The following C3orf49 variants were observed in gnomAD, a reference collection of about 807,000 sequenced individuals.
C3orf49 encodes the protein putative uncharacterized protein C3orf49.
Under a neutral mutation model 13.3 loss-of-function variants are expected in C3orf49, and 27 were observed. The ratio of observed to expected loss-of-function variants is 2.02; its 90% CI spans 1.49 to 2.79. C3orf49 has a LOEUF of 2.79. Among genes scored for constraint, C3orf49 ranks in the 30% most tolerant of loss-of-function variants. The pLI, the probability that C3orf49 is intolerant of heterozygous loss-of-function variation, is 0.00. For missense variants in C3orf49, 242 were observed against 134.2 expected (o/e 1.80, Z -3.97); for synonymous variants, 87 against 47.6 (o/e 1.83, Z -3.40).
At chr3:63,792,450 T>C in the C3orf49 span, among the ~76,000 whole-genome samples, 2 of 152,252 alleles carry the variant, frequency 1.3e-5, no homozygotes, top group African/African-American at 4.8e-5. Flanking sequence ...AACTAAATGA[T>C]ATTTCATCAC....
At chr3:63,803,483 T>C in the C3orf49 span, among the ~76,000 whole-genome samples, 1 of 152,192 alleles carries the variant, frequency 6.6e-6, no homozygotes, top group African/African-American at 2.4e-5. Context: ...AGACCTGAAC[T>C]CAACCTGCAG....
Position 63,819,517 on chromosome 3 carries a change from T to G in C3orf49, c.46T>G (p.Tyr16Asp). The G allele has an allele frequency of 1.4e-6, 1 of 703,084 alleles. No homozygotes were observed. The highest frequency in any genetic ancestry group is 2.6e-6 in the Non-Finnish European group (1 of 384,986). 43.6% of individuals were successfully genotyped at this position (703,084 alleles called of 1,614,324 possible). ...TCTACCAGAACCCTTTAAGATTGCCTACAGAAAAGTTGGACAGTGCCGAAG... is the reference window on the plus strand; with the variant it reads ...TCTACCAGAACCCTTTAAGATTGCCGACAGAAAAGTTGGACAGTGCCGAAG... ...LYLPEPFKIA[Y>D]RKVGQCRRFQ... The change falls in exon 1 of 7, where the codon TAC becomes GAC. Residue 16 changes from tyrosine (Y) to aspartate (D), a missense_variant. Tyr to Asp is a radical substitution (Grantham distance 160, BLOSUM62 -3). Transcript: ENST00000295896.
intron 5 of C3orf49, among the ~76,000 whole-genome samples, chr3:63,841,445 G>A (rs557045546): frequency 5.9e-5 from 9 of 152,162 alleles, no homozygotes; most frequent in Non-Finnish European, 1.2e-4. Flanking sequence ...AATTCCTGGA[G>A]AGCCTCCATG....
intron 2 of C3orf49, chr3:63,826,749 A>G (rs191353339): frequency 6.6e-6 from 1 of 152,172 alleles, no homozygotes; most frequent in African/African-American, 2.4e-5. Context: ...CCTTTCCCCA[A>G]TGCTGTCATC....
At chr3:63,794,172 T>TACACACACACACACACACACACACAC in the C3orf49 span, among the ~76,000 whole-genome samples, 3 of 142,610 alleles carry the variant, frequency 2.1e-5, no homozygotes, top group African/African-American at 5.1e-5. Flanking sequence ...TACACACACA[T>TACACACACACACACACACACACACAC]ACACACACAC....
At chr3:63,839,694 A>G in intron 5 of C3orf49, 1 of 1,612,400 alleles carries the variant, frequency 6.2e-7, no homozygotes, top group Admixed American at 1.7e-5. Flanking sequence ...ATTTAATGAA[A>G]CTCTTCACTA....
At chr3:63,802,761 T>A in the C3orf49 span, among the ~76,000 whole-genome samples, 1 of 152,056 alleles carries the variant, frequency 6.6e-6, no homozygotes, top group Non-Finnish European at 1.5e-5. Context: ...GTGCAGAAAG[T>A]CCAATAAATT....
chr3:63,839,895 C>A, intron 5 of C3orf49: 1 of 744,756 alleles, frequency 1.3e-6, no homozygotes, highest in Non-Finnish European at 2.2e-6. Context: ...GCATTTAATG[C>A]CACTGAACTG....
At chr3:63,823,015 T>C (rs1384629026) in intron 1 of C3orf49, among the ~76,000 whole-genome samples, 1 of 152,212 alleles carries the variant, frequency 6.6e-6, no homozygotes, top group Non-Finnish European at 1.5e-5. Context: ...ATAACCTACC[T>C]CTAACAGTAC....
chr3:63,837,846 A>T lies in C3orf49; in HGVS notation c.849+6002A>T. On this transcript the variant is annotated intron_variant, in intron 5 of 6. Coordinates refer to ENST00000295896, the MANE Select transcript of C3orf49 (RefSeq NM_001355236.2). ...TTTAAAGAATAATATAGTTTTAAGG[A>T]ATTAAAATTTGGATTTTTTTTAATC... is the stretch of plus-strand genomic sequence containing the variant. 1.2e-5 allele frequency: 8 copies of T among 658,230 alleles called. No individual in the cohort carries two copies. In the South Asian group the frequency reaches 2.0e-4, roughly 17 times the overall value. The allele number at this position is 658,230 out of a possible 1,614,324, so 40.8% of individuals were successfully genotyped here.
intron 6 of C3orf49, among the ~76,000 whole-genome samples, chr3:63,846,832 A>G (rs1191978879): frequency 6.6e-6 from 1 of 152,194 alleles, no homozygotes; most frequent in Non-Finnish European, 1.5e-5. Flanking sequence ...GAATTCTATC[A>G]AGTACCCAAC....
chr3:63,780,937 G>T, the C3orf49 span, among the ~76,000 whole-genome samples: 1 of 151,984 alleles, frequency 6.6e-6, no homozygotes, highest in East Asian at 1.9e-4. Context: ...CATTCTGTAG[G>T]TTGCCTGTTC....
intron 5 of C3orf49, chr3:63,832,756 C>T (rs902420897): frequency 3.3e-5 from 5 of 152,116 alleles, no homozygotes; most frequent in Admixed American, 6.5e-5. Context: ...AAAATAAAAA[C>T]GATTGTCACA....
At chr3:63,805,996 G>A in the C3orf49 span, among the ~76,000 whole-genome samples, 1 of 151,956 alleles carries the variant, frequency 6.6e-6, no homozygotes, top group Non-Finnish European at 1.5e-5. Flanking sequence ...GCAGTGCCCC[G>A]CCCCCATTTC....
At chr3:63,806,725 C>T in the C3orf49 span, among the ~76,000 whole-genome samples, 6 of 152,250 alleles carry the variant, frequency 3.9e-5, no homozygotes, top group African/African-American at 9.6e-5. Flanking sequence ...AACTTCCTAA[C>T]ATTCTACCCA....
upstream of C3orf49, among the ~76,000 whole-genome samples, chr3:63,814,939 C>T (rs570650168): frequency 6.6e-6 from 1 of 152,308 alleles, no homozygotes; most frequent in Admixed American, 6.5e-5. Flanking sequence ...GCACCAGCAT[C>T]TGTTTTTTGG....
At chr3:63,791,178 C>CA in the C3orf49 span, among the ~76,000 whole-genome samples, 20 of 152,006 alleles carry the variant, frequency 1.3e-4, no homozygotes, top group Non-Finnish European at 2.2e-4. Flanking sequence ...ACAAAAATGG[C>CA]AAAAAGGTAT....
At chr3:63,819,920 T>G (rs188908533) in intron 1 of C3orf49, among the ~76,000 whole-genome samples, 7 of 152,312 alleles carry the variant, frequency 4.6e-5, no homozygotes, top group African/African-American at 1.7e-4. Context: ...ATACTATTAT[T>G]TTGAAAAGTC....
At chr3:63,844,877 A>T in intron 5 of C3orf49, 146 bp from the exon 6 acceptor site, 1 of 497,558 alleles carries the variant, frequency 2.0e-6, no homozygotes, top group Non-Finnish European at 3.6e-6. Flanking sequence ...GCCTTGGAAA[A>T]CAGAGTAAGA....
Sources: allele counts gnomAD v4.1 joint callset (sites outside exome capture counted in the v4.1 genomes callset), GRCh38; gene constraint gnomAD v4.1.1; transcripts MANE v1.5; gene names NCBI Gene and HGNC (gene_info 2026-07-23, HGNC 2026-07-21).